Variants in SLC4A7 observed in about 807,000 individuals in gnomAD.
The protein encoded by SLC4A7 is sodium bicarbonate cotransporter 3.
SLC4A7 carries 51 observed loss-of-function variants against 137.6 expected under a neutral mutation model. The observed-to-expected ratio is 0.37, with a 90% CI of 0.30 to 0.47. The LOEUF (loss-of-function observed/expected upper bound fraction) is 0.47. SLC4A7 is among the 20% of genes least tolerant of loss of function. The probability of loss-of-function intolerance (pLI) is 1.00; values close to 1 mark genes in which losing one functional copy is unlikely to be tolerated. For synonymous variants in SLC4A7, 542 were observed against 518.6 expected (o/e 1.05, Z -0.61); for missense variants, 1,247 against 1,525.4 (o/e 0.82, Z 3.04).
rs879938553 is a variant in SLC4A7, at chr3:27,373,817, ATC to A, written c.*2945_*2946del. 1.3e-5 allele frequency: 2 copies of A among 152,588 alleles called. No individual in the cohort carries two copies. Among genetic ancestry groups the A allele is most frequent in the Non-Finnish European group, 2.9e-5 (2 of 67,968 alleles). 9.5% of individuals were successfully genotyped at this position (152,588 alleles called of 1,614,324 possible). ...CAAGTTAATTTTGAGTGGTAAACAAATCTGGTTTACAAATACATGCATTAGCA... is the reference window on the plus strand; with the variant it reads ...CAAGTTAATTTTGAGTGGTAAACAAATGGTTTACAAATACATGCATTAGCA... On this transcript the variant is annotated 3_prime_UTR_variant, in exon 26 of 26. Transcript: ENST00000454389.
At chr3:27,444,871 T>C (rs1435757716) in intron 3 of SLC4A7, among the ~76,000 whole-genome samples, 4 of 152,224 alleles carry the variant, frequency 2.6e-5, no homozygotes, top group African/African-American at 9.7e-5. Context: ...TATTGTGAAA[T>C]TTAACATGGT....
intron 1 of SLC4A7, among the ~76,000 whole-genome samples, 199 bp from the exon 2 acceptor site, chr3:27,452,697 A>G (rs1469861417): frequency 6.6e-6 from 1 of 152,218 alleles, no homozygotes; most frequent in Non-Finnish European, 1.5e-5. Flanking sequence ...AAAATCCCAG[A>G]GTGAGAAGTG....
At chr3:27,479,944 T>C (rs2059641103) in intron 1 of SLC4A7, among the ~76,000 whole-genome samples, 1 of 152,132 alleles carries the variant, frequency 6.6e-6, no homozygotes. Flanking sequence ...TGTGGTAAGA[T>C]ACAATAAGAA....
At chr3:27,466,342 T>A (rs1576634618) in intron 1 of SLC4A7, among the ~76,000 whole-genome samples, 1 of 150,896 alleles carries the variant, frequency 6.6e-6, no homozygotes, top group East Asian at 2.0e-4. Flanking sequence ...TCCCAGCAAC[T>A]CAAAAGGCTG....
At chr3:27,483,207 G>A (rs1415803335) in intron 1 of SLC4A7, among the ~76,000 whole-genome samples, 2 of 152,230 alleles carry the variant, frequency 1.3e-5, no homozygotes, top group Non-Finnish European at 2.9e-5. Context: ...GTGCTCTAAA[G>A]AAAGCAGGAA....
Position 27,448,134 on chromosome 3 carries a change from C to T in SLC4A7, c.289+517G>A, listed in dbSNP as rs543704538. Among the ~76,000 whole-genome samples the T allele has an allele frequency of 9.9e-5, 15 of 151,544 alleles. No individual in the cohort carries two copies. The South Asian group carries it at 3.1e-3, about 32-fold the overall frequency. On this transcript the variant is annotated intron_variant, in intron 3 of 25. Coordinates refer to ENST00000454389, the MANE Select transcript of SLC4A7 (RefSeq NM_001321103.2). ...GGCTGAGGCACAAGAATCGCTTGAA[C>T]CCTGGAGGCAGACGTTGCAGTGAGC...
chr3:27,395,359 CCT>C (rs2052040418), intron 18 of SLC4A7, among the ~76,000 whole-genome samples: 1 of 152,176 alleles, frequency 6.6e-6, no homozygotes, highest in Non-Finnish European at 1.5e-5. Context: ...CTCCTTCCCC[CCT>C]GAAACCAGGA....
chr3:27,455,280 A>T (rs2058332156), intron 1 of SLC4A7, among the ~76,000 whole-genome samples: 1 of 152,230 alleles, frequency 6.6e-6, no homozygotes, highest in Non-Finnish European at 1.5e-5. Flanking sequence ...AAGGTCTCAA[A>T]GATAGTTGTT....
rs552115077 is a variant in SLC4A7 at position 27,427,952 on chromosome 3, T to C, written c.1150+3346A>G. ...AGCCAATGTGAACCCATCTCCCCCTTCTTTCCTATATAAAATTTATAGTTC... is the reference window on the plus strand; with the variant it reads ...AGCCAATGTGAACCCATCTCCCCCTCCTTTCCTATATAAAATTTATAGTTC... On this transcript the variant is annotated intron_variant, in intron 7 of 25. Coordinates refer to ENST00000454389, the MANE Select transcript of SLC4A7 (RefSeq NM_001321103.2). 2.0e-5 allele frequency among the ~76,000 whole-genome samples: 3 copies of C among 152,290 alleles called. No homozygotes were observed. In the South Asian group the frequency reaches 6.2e-4, roughly 32 times the overall value.
intron 7 of SLC4A7, among the ~76,000 whole-genome samples, chr3:27,429,184 T>A (rs931798570): frequency 1.3e-5 from 2 of 151,908 alleles, no homozygotes; most frequent in Admixed American, 6.6e-5. Context: ...GAGAATCACT[T>A]GAACCCGGGA....
In SLC4A7 at chr3:27,424,137, G is replaced by A. The variant is rs147800417; in HGVS notation, c.1166C>T (p.Pro389Leu). 6.3e-7 allele frequency: 1 copy of A among 1,594,018 alleles called. No homozygotes were observed. Among genetic ancestry groups the A allele is most frequent in the African/African-American group, 1.4e-5 (1 of 74,058 alleles). The change falls in exon 8 of 26, where the codon CCC becomes CTC. Residue 389 changes from proline (P) to leucine (L), a missense_variant. Physicochemically the swap from Pro to Leu is moderately conservative, Grantham distance 98 (BLOSUM62 -3). Around this residue, in one of 6 missense-constraint regions of SLC4A7, gnomAD observed 499 missense variants for 664.2 expected, o/e 0.75. Transcript: ENST00000454389. ...GTCCAAGTTTCCAGGAGCAGACTGG[G>A]GAGAGGCCAAAATACCTATGTTTAA... ...VDLTPGILAS[P>L]QSAPGNLDNS... is the part of the protein sequence containing the mutation.
intron 13 of SLC4A7, among the ~76,000 whole-genome samples, chr3:27,405,188 C>T (rs925956117): frequency 6.6e-6 from 1 of 152,064 alleles, no homozygotes; most frequent in African/African-American, 2.4e-5. Context: ...CTTTTGTGAT[C>T]ATCCTTAATT....
chr3:27,441,890 A>G (rs538929545), intron 3 of SLC4A7, among the ~76,000 whole-genome samples: 30 of 150,004 alleles, frequency 2.0e-4, no homozygotes, highest in East Asian at 1.8e-3. Context: ...ATATTCTCTT[A>G]TTAGTTTGAC....
intron 4 of SLC4A7, among the ~76,000 whole-genome samples, chr3:27,436,942 G>T (rs1292971072): frequency 6.6e-6 from 1 of 152,108 alleles, no homozygotes; most frequent in African/African-American, 2.4e-5. Context: ...ATTAAAGATA[G>T]AATTTCTATC....
intron 1 of SLC4A7, among the ~76,000 whole-genome samples, chr3:27,468,223 G>C (rs7619833): frequency 0.52 from 78,936 of 152,024 alleles, 20,743 homozygotes; most frequent in Middle Eastern, 0.59. Context: ...GCCACCAAGA[G>C]CAGCCTTATA....
intron 1 of SLC4A7, chr3:27,462,496 A>T (rs2058753095): frequency 6.6e-6 from 1 of 152,366 alleles, no homozygotes; most frequent in Non-Finnish European, 1.5e-5. Context: ...GCTTCTAAAG[A>T]TACTGGAAAG....
chr3:27,468,748 T>A (rs1050283225), intron 1 of SLC4A7, among the ~76,000 whole-genome samples: 2 of 152,066 alleles, frequency 1.3e-5, no homozygotes, highest in African/African-American at 4.8e-5. Flanking sequence ...CTAAAAAAAA[T>A]TAAACAAGAT....
At chr3:27,405,287 T>C (rs1283965182) in intron 13 of SLC4A7, among the ~76,000 whole-genome samples, 1 of 151,956 alleles carries the variant, frequency 6.6e-6, no homozygotes, top group Non-Finnish European at 1.5e-5. Flanking sequence ...AAGGAAATGC[T>C]CATTAGAGCA....
chr3:27,389,790 T>G (rs2051343929), intron 22 of SLC4A7, 141 bp downstream of exon 22: 1 of 612,870 alleles, frequency 1.6e-6, no homozygotes, highest in African/African-American at 1.9e-5. Context: ...TTGTATCTAG[T>G]AACAGCTAAT....
Sources: allele counts gnomAD v4.1 joint callset (sites outside exome capture counted in the v4.1 genomes callset), GRCh38; gene constraint gnomAD v4.1.1; regional missense constraint gnomAD v4.1.1; transcripts MANE v1.5; gene names NCBI Gene and HGNC (gene_info 2026-07-23, HGNC 2026-07-21).